Variants in PPP4R1 observed in about 807,000 individuals in gnomAD.
PPP4R1 encodes protein phosphatase 4 regulatory subunit 1.
In PPP4R1, 42 loss-of-function variants were observed where a neutral mutation model predicts 111.2. The observed-to-expected ratio is 0.38, with a 90% CI of 0.29 to 0.49. The LOEUF is 0.49. PPP4R1 is among the 20% of genes least tolerant of loss of function. The pLI, the probability that PPP4R1 is intolerant of heterozygous loss-of-function variation, is 0.97. For missense variants in PPP4R1, 1,012 were observed against 1,161.6 expected, an observed-to-expected ratio of 0.87 and a Z score of 1.87; for synonymous variants, 409 against 405.5, an observed-to-expected ratio of 1.01 and a Z score of -0.10.
rs201651347 is a variant in PPP4R1, at chr18:9,549,304, T to G, written c.2582A>C (p.Gln861Pro). ...ATGCGGCATGAGATGCACAGCAAAC[T>G]GGTCCATGGGAAGGCAGTCATCCTC... is the stretch of plus-strand genomic sequence containing the variant. The part of the protein sequence containing the change: ...VIEDDCLPMD[Q>P]FAVHLMPHLL... Residue 861 changes from glutamine (Q) to proline (P), a missense_variant, in exon 19 of 20, where the codon CAG (glutamine) becomes CCG (proline). Coordinates refer to ENST00000400556, the MANE Select transcript of PPP4R1 (RefSeq NM_001042388.3). 17 of 1,612,444 alleles carry G rather than the reference T, an allele frequency of 1.1e-5. No individual in the cohort carries two copies. Among genetic ancestry groups the G allele is most frequent in the Non-Finnish European group, 1.4e-5 (17 of 1,178,628 alleles).
intron 6 of PPP4R1, among the ~76,000 whole-genome samples, chr18:9,586,796 T>C (rs536943856): frequency 6.6e-6 from 1 of 152,182 alleles, no homozygotes; most frequent in Non-Finnish European, 1.5e-5. Context: ...ATCACTTTTC[T>C]AATTTACCAT....
At chr18:9,601,622 A>T (rs1172589751) in intron 2 of PPP4R1, among the ~76,000 whole-genome samples, 1 of 152,150 alleles carries the variant, frequency 6.6e-6, no homozygotes, top group Non-Finnish European at 1.5e-5. Flanking sequence ...CCTCTTGAGC[A>T]GCTGGAATTA....
intron 6 of PPP4R1, among the ~76,000 whole-genome samples, chr18:9,586,626 TAG>T (rs1308888203): frequency 6.6e-6 from 1 of 152,146 alleles, no homozygotes; most frequent in Non-Finnish European, 1.5e-5. Flanking sequence ...GGAAAGAGAC[TAG>T]AGAGATCATC....
At chr18:9,553,082 T>A (rs2066514726) in intron 16 of PPP4R1, among the ~76,000 whole-genome samples, 1 of 152,208 alleles carries the variant, frequency 6.6e-6, no homozygotes, top group Non-Finnish European at 1.5e-5. Flanking sequence ...CAAATTTGGC[T>A]ATGTGTATTT....
At chr18:9,578,277 G>A (rs1345157071) in intron 9 of PPP4R1, among the ~76,000 whole-genome samples, 1 of 152,042 alleles carries the variant, frequency 6.6e-6, no homozygotes, top group Non-Finnish European at 1.5e-5. Flanking sequence ...GCTCTGCTGT[G>A]GAGGCTGGAA....
intron 9 of PPP4R1, among the ~76,000 whole-genome samples, chr18:9,578,632 A>G (rs903552689): frequency 4.6e-5 from 7 of 152,156 alleles, no homozygotes; most frequent in African/African-American, 1.7e-4. Flanking sequence ...TTTTTACAAA[A>G]GCAAATAAAT....
chr18:9,596,002 C>A (rs1395157248), intron 2 of PPP4R1, among the ~76,000 whole-genome samples: 2 of 152,096 alleles, frequency 1.3e-5, no homozygotes, highest in Admixed American at 1.3e-4. Context: ...AGAAGCCAAA[C>A]CTGACTGAAG....
At chr18:9,569,414 C>T (rs1210142169) in intron 11 of PPP4R1, among the ~76,000 whole-genome samples, 3 of 152,048 alleles carry the variant, frequency 2.0e-5, no homozygotes, top group Non-Finnish European at 2.9e-5. Context: ...TGCAGTAGTG[C>T]GACAAACATT....
chr18:9,584,016 A>G (rs182421677), intron 8 of PPP4R1, among the ~76,000 whole-genome samples: 35 of 152,292 alleles, frequency 2.3e-4, no homozygotes, highest in African/African-American at 8.4e-4. Context: ...GTCTTATGCA[A>G]TATTTCTGGC....
intron 9 of PPP4R1, among the ~76,000 whole-genome samples, chr18:9,578,218 A>G (rs2066968895): frequency 6.6e-6 from 1 of 152,184 alleles, no homozygotes; most frequent in South Asian, 2.1e-4. Flanking sequence ...TTTGCCACAC[A>G]CCAATTTCCC....
At chr18:9,563,805 G>A (rs996891943) in intron 11 of PPP4R1, 1 of 290,334 alleles carries the variant, frequency 3.4e-6, no homozygotes, top group Admixed American at 5.2e-5. Flanking sequence ...TATGAAAAGA[G>A]AAATGCTATC....
At chr18:9,583,813 A>G (rs1389195414) in intron 8 of PPP4R1, among the ~76,000 whole-genome samples, 1 of 151,472 alleles carries the variant, frequency 6.6e-6, no homozygotes, top group Non-Finnish European at 1.5e-5. Flanking sequence ...TATAACATAT[A>G]ATAATATATC....
intron 2 of PPP4R1, among the ~76,000 whole-genome samples, chr18:9,602,745 CAGG>C (rs1462600156): frequency 6.0e-5 from 9 of 150,592 alleles, no homozygotes; most frequent in Non-Finnish European, 1.2e-4. Flanking sequence ...CGCTTCAAAC[CAGG>C]AGAAGGAAGT....
chr18:9,607,552 A>AT (rs1488432273), intron 2 of PPP4R1, among the ~76,000 whole-genome samples: 1 of 152,140 alleles, frequency 6.6e-6, no homozygotes, highest in South Asian at 2.1e-4. Flanking sequence ...ACCAAAGGAG[A>AT]TAAGTTAGAT....
chr18:9,595,308 G>C (rs2067273918), intron 2 of PPP4R1, among the ~76,000 whole-genome samples, 155 bp from the exon 3 acceptor site: 1 of 151,980 alleles, frequency 6.6e-6, no homozygotes, highest in Non-Finnish European at 1.5e-5. Context: ...ATAACTAAAA[G>C]ATACCTCCTC....
At chr18:9,553,464 G>T in intron 15 of PPP4R1, 42 bp from the exon 16 acceptor site, 1 of 1,358,226 alleles carries the variant, frequency 7.4e-7, no homozygotes, top group Non-Finnish European at 1.0e-6. Flanking sequence ...ACAAGGTACA[G>T]ACAGTATTTC....
chr18:9,581,540 GA>G (rs78495410), intron 9 of PPP4R1, among the ~76,000 whole-genome samples: 30,096 of 151,638 alleles, frequency 0.2, 3,304 homozygotes, highest in East Asian at 0.49. Context: ...TAGAGAGGGG[GA>G]AAAAATTGAG....
intron 16 of PPP4R1, chr18:9,551,429 G>C (rs781494227): frequency 1.3e-5 from 2 of 152,420 alleles, no homozygotes; most frequent in African/African-American, 2.4e-5. Context: ...CAGGAGCATG[G>C]GGTGGCTCAA....
intron 14 of PPP4R1, 68 bp from the exon 15 acceptor site, chr18:9,557,450 T>A: frequency 7.4e-7 from 1 of 1,358,840 alleles, no homozygotes; most frequent in Non-Finnish European, 9.9e-7. Context: ...TTAGGCAATA[T>A]ACAAAGGCTA....
Sources: gnomAD v4.1 joint callset for allele counts (sites outside exome capture counted in the v4.1 genomes callset) on GRCh38, gnomAD v4.1.1 for gene constraint, MANE v1.5 for transcripts, NCBI Gene and HGNC (gene_info 2026-07-23, HGNC 2026-07-21) for gene names.